Variants in PRKG1 observed in about 807,000 individuals in gnomAD.
PRKG1 encodes the protein cGMP-dependent protein kinase 1.
In PRKG1, 35 loss-of-function variants were observed where a neutral mutation model predicts 88.1. The ratio of observed to expected loss-of-function variants is 0.40; its 90% CI spans 0.30 to 0.53. PRKG1 has a LOEUF of 0.53. PRKG1 is among the 20% of genes least tolerant of loss of function. PRKG1 has a pLI of 0.59. For missense variants in PRKG1, 540 were observed against 839.8 expected (o/e 0.64, Z 4.41); for synonymous variants, 303 against 292.5 (o/e 1.04, Z -0.37).
At chr10:52,088,431 G>A (rs898114592) in intron 7 of PRKG1, among the ~76,000 whole-genome samples, 10 of 151,758 alleles carry the variant, frequency 6.6e-5, no homozygotes, top group Non-Finnish European at 1.0e-4. Context: ...TGAATGTTGT[G>A]TCCTCTTCAA....
chr10:51,837,079 C>T (rs933748585), intron 4 of PRKG1, among the ~76,000 whole-genome samples: 9 of 152,116 alleles, frequency 5.9e-5, no homozygotes, highest in African/African-American at 2.2e-4. Context: ...TGCAATTCTT[C>T]TCACTCTTCT....
At chr10:51,866,723 C>T (rs1841023269) in intron 4 of PRKG1, among the ~76,000 whole-genome samples, 1 of 152,122 alleles carries the variant, frequency 6.6e-6, no homozygotes, top group Non-Finnish European at 1.5e-5. Flanking sequence ...TAAAATACCA[C>T]AAATTCTGTT....
intron 3 of PRKG1, among the ~76,000 whole-genome samples, chr10:51,801,832 C>G (rs1196526971): frequency 1.3e-5 from 2 of 152,046 alleles, no homozygotes; most frequent in Non-Finnish European, 2.9e-5. Context: ...GTTTATTTTC[C>G]ACTGAGTGGG....
intron 2 of PRKG1, among the ~76,000 whole-genome samples, chr10:51,466,088 A>G (rs890394526): frequency 6.6e-6 from 1 of 152,100 alleles, no homozygotes; most frequent in African/African-American, 2.4e-5. Context: ...TCTTTAGATG[A>G]TTTATAAATT....
chr10:52,072,961 A>T (rs1437820592), intron 7 of PRKG1, among the ~76,000 whole-genome samples: 2 of 152,172 alleles, frequency 1.3e-5, no homozygotes, highest in African/African-American at 4.8e-5. Flanking sequence ...AACAATAGCA[A>T]TTTATTCTTT....
intron 3 of PRKG1, chr10:51,697,981 T>C (rs1015350820): frequency 5.0e-6 from 8 of 1,608,508 alleles, no homozygotes; most frequent in Middle Eastern, 3.3e-4. Flanking sequence ...CTCCTCCTTG[T>C]ATGCCTGCTC....
At chr10:51,833,818 T>C (rs2132758871) in intron 4 of PRKG1, among the ~76,000 whole-genome samples, 1 of 152,302 alleles carries the variant, frequency 6.6e-6, no homozygotes, top group Admixed American at 6.5e-5. Flanking sequence ...CTGAAACTTT[T>C]ACTTGTTGAC....
chr10:52,126,882 A>T (rs1025193469), intron 7 of PRKG1, among the ~76,000 whole-genome samples: 2 of 152,194 alleles, frequency 1.3e-5, no homozygotes, highest in African/African-American at 2.4e-5. Flanking sequence ...AGACAGTTGG[A>T]GGACCTCTAA....
intron 3 of PRKG1, among the ~76,000 whole-genome samples, chr10:51,714,056 C>T (rs1040591726): frequency 2.4e-4 from 36 of 152,108 alleles, no homozygotes; most frequent in Middle Eastern, 3.4e-3. Context: ...CTCGGCTCAC[C>T]GCAAGCTCCG....
intron 2 of PRKG1, among the ~76,000 whole-genome samples, chr10:51,163,572 C>T (rs970839500): frequency 5.3e-5 from 8 of 152,256 alleles, no homozygotes; most frequent in East Asian, 3.9e-4. Context: ...GCACCATGTG[C>T]GAGCCGAAGC....
intron 4 of PRKG1, among the ~76,000 whole-genome samples, chr10:51,862,619 A>C (rs1840911608): frequency 6.6e-6 from 1 of 152,010 alleles, no homozygotes; most frequent in Admixed American, 6.6e-5. Flanking sequence ...GCCTGGAAAA[A>C]AGCACCATTC....
At chr10:51,749,932 CTTT>C (rs1179911606) in intron 3 of PRKG1, among the ~76,000 whole-genome samples, 3 of 131,732 alleles carry the variant, frequency 2.3e-5, no homozygotes, top group Admixed American at 7.7e-5. Flanking sequence ...CTCTAATAGT[CTTT>C]TTTTTTTTTT....
intron 3 of PRKG1, among the ~76,000 whole-genome samples, chr10:51,622,277 G>A (rs1454360635): frequency 1.3e-5 from 2 of 152,180 alleles, no homozygotes; most frequent in African/African-American, 2.4e-5. Context: ...GGATGAAACT[G>A]GAGGCCTGGC....
chr10:51,120,473 C>T (rs1845233640), intron 1 of PRKG1, among the ~76,000 whole-genome samples: 1 of 152,066 alleles, frequency 6.6e-6, no homozygotes, highest in African/African-American at 2.4e-5. Context: ...GTCTTTCCTT[C>T]ACAACATTTT....
chr10:52,287,818 A>G (rs1427624359), intron 14 of PRKG1, among the ~76,000 whole-genome samples: 1 of 152,066 alleles, frequency 6.6e-6, no homozygotes, highest in East Asian at 1.9e-4. Context: ...CTGAGCAGAG[A>G]GAAAAGGATA....
intron 2 of PRKG1, among the ~76,000 whole-genome samples, chr10:51,464,438 C>T (rs1839831149): frequency 6.6e-6 from 1 of 152,150 alleles, no homozygotes; most frequent in Non-Finnish European, 1.5e-5. Context: ...CAAATACAAT[C>T]TGGCTAAGTG....
intron 3 of PRKG1, among the ~76,000 whole-genome samples, chr10:51,529,543 A>C (rs1841964075): frequency 1.3e-5 from 2 of 152,104 alleles, no homozygotes; most frequent in Admixed American, 6.6e-5. Context: ...TTGGTAATAT[A>C]CTTGCCTTCC....
chr10:51,325,069 C>A (rs568637460), intron 2 of PRKG1, among the ~76,000 whole-genome samples: 1 of 152,256 alleles, frequency 6.6e-6, no homozygotes, highest in South Asian at 2.1e-4. Flanking sequence ...TATAGCCATT[C>A]GAACTAGGGT....
intron 2 of PRKG1, among the ~76,000 whole-genome samples, chr10:51,228,863 C>T (rs1430647617): frequency 6.6e-6 from 1 of 152,214 alleles, no homozygotes; most frequent in African/African-American, 2.4e-5. Context: ...TGGCCTGGAT[C>T]CTGCTTACAT....
Sources: allele counts gnomAD v4.1 joint callset (sites outside exome capture counted in the v4.1 genomes callset), GRCh38; gene constraint gnomAD v4.1.1; transcripts MANE v1.5; gene names NCBI Gene and HGNC (gene_info 2026-07-23, HGNC 2026-07-21).